The following APP variants were observed in gnomAD, a reference collection of about 807,000 sequenced individuals.
APP encodes the protein amyloid-beta precursor protein.
A neutral mutation model predicts 101.4 loss-of-function variants in APP; 31 were observed. The observed-to-expected ratio is 0.31, with a 90% CI of 0.23 to 0.41. The LOEUF (loss-of-function observed/expected upper bound fraction) is 0.41, where lower values mean the gene tolerates loss of function less well. Ranked by LOEUF, APP falls within the 10% of genes least tolerant of loss-of-function variation. The probability of loss-of-function intolerance (pLI) is 1.00; values close to 1 mark genes in which losing one functional copy is unlikely to be tolerated. For synonymous variants in APP, 366 were observed against 364.4 expected, an observed-to-expected ratio of 1.00 and a Z score of -0.05; for missense variants, 839 against 1,003.7, an observed-to-expected ratio of 0.84 and a Z score of 2.22.
intron 1 of APP, among the ~76,000 whole-genome samples, chr21:26,131,458 T>G (rs776787608): frequency 6.6e-6 from 1 of 152,332 alleles, no homozygotes; most frequent in South Asian, 2.1e-4. Context: ...GTCACTCATA[T>G]ATTTGTTGGC....
chr21:25,932,681 GCA>G (rs1337059618), intron 13 of APP, among the ~76,000 whole-genome samples: 2 of 151,528 alleles, frequency 1.3e-5, no homozygotes, highest in Non-Finnish European at 2.9e-5. Flanking sequence ...TTTCATCTCA[GCA>G]CAGTTAGCCT....
At chr21:25,984,872 T>C (rs374355737) in intron 8 of APP, among the ~76,000 whole-genome samples, 1 of 152,246 alleles carries the variant, frequency 6.6e-6, no homozygotes, top group Admixed American at 6.5e-5. Flanking sequence ...TATAAATATT[T>C]GGGGTTATAC....
intron 7 of APP, 72 bp downstream of exon 7, chr21:25,999,943 A>G (rs1036089886): frequency 1.3e-6 from 2 of 1,534,104 alleles, no homozygotes; most frequent in Non-Finnish European, 1.8e-6. Context: ...AGGAAAATCA[A>G]TCTGTTACAA....
chr21:26,030,601 T>C (rs1601263313), intron 5 of APP, among the ~76,000 whole-genome samples: 1 of 152,336 alleles, frequency 6.6e-6, no homozygotes, highest in East Asian at 1.9e-4. Flanking sequence ...TTAAAGGCTA[T>C]CTTGGAGGCA....
At chr21:26,095,478 T>G (rs994918158) in intron 2 of APP, among the ~76,000 whole-genome samples, 1 of 152,222 alleles carries the variant, frequency 6.6e-6, no homozygotes, top group African/African-American at 2.4e-5. Flanking sequence ...AGAGTAGTGA[T>G]GGTGGCGTAG....
intron 17 of APP, among the ~76,000 whole-genome samples, chr21:25,890,722 C>CAAAA (rs10686276): frequency 0.56 from 63,409 of 113,812 alleles, 18,111 homozygotes; most frequent in Non-Finnish European, 0.62. Flanking sequence ...GAGACTGTCT[C>CAAAA]AAAAAAAAAA....
At position 26,109,687 on chromosome 21, in the gene APP, C is replaced by T. The variant is rs557560310; in HGVS notation, c.225+2292G>A. Among the ~76,000 whole-genome samples, 9 of 144,390 alleles carry T rather than the reference C, an allele frequency of 6.2e-5. 1 individual carries two copies. The highest frequency in any genetic ancestry group is 2.2e-4 in the African/African-American group (8 of 36,938). 94.7% of individuals were successfully genotyped at this position (144,390 alleles called of 152,430 possible). On this transcript the variant is annotated intron_variant, in intron 2 of 17. Transcript: ENST00000346798. The stretch of plus-strand genomic sequence containing the variant: ...GCATTAGTAGGATCTCTAAGTGAAA[C>T]GGGAAAAGAGGGGTGTTCCTGGGGT...
intron 3 of APP, among the ~76,000 whole-genome samples, chr21:26,056,364 G>C (rs927332267): frequency 6.6e-6 from 1 of 152,114 alleles, no homozygotes; most frequent in Non-Finnish European, 1.5e-5. Flanking sequence ...ATGAGGAGTT[G>C]GTAAACAAGC....
At chr21:25,974,671 G>C (rs1350050950) in intron 11 of APP, among the ~76,000 whole-genome samples, 1 of 152,194 alleles carries the variant, frequency 6.6e-6, no homozygotes, top group African/African-American at 2.4e-5. Context: ...AACTTCTGTT[G>C]CTGATAAGGT....
intron 3 of APP, 162 bp downstream of exon 3, chr21:26,089,781 A>T: frequency 1.0e-6 from 1 of 961,624 alleles, no homozygotes; most frequent in Non-Finnish European, 1.6e-6. Context: ...CTATAGGGTC[A>T]GTGCACAGAA....
chr21:25,965,327 T>C (rs1177387679), intron 11 of APP, among the ~76,000 whole-genome samples: 1 of 152,312 alleles, frequency 6.6e-6, no homozygotes, highest in African/African-American at 2.4e-5. Flanking sequence ...ATCCGAAAAA[T>C]GCCAACTGTG....
intron 15 of APP, among the ~76,000 whole-genome samples, chr21:25,903,359 A>C (rs1601346953): frequency 7.2e-6 from 1 of 139,376 alleles, no homozygotes. Flanking sequence ...ACACAGCGAG[A>C]CTCCATCTCA....
intron 1 of APP, among the ~76,000 whole-genome samples, chr21:26,117,740 ATG>A (rs1286176293): frequency 6.6e-6 from 1 of 152,150 alleles, no homozygotes; most frequent in African/African-American, 2.4e-5. Flanking sequence ...GAAAAATAAA[ATG>A]TGATGACTGA....
chr21:26,014,168 A>C (rs553109793), intron 6 of APP, among the ~76,000 whole-genome samples: 2 of 152,316 alleles, frequency 1.3e-5, no homozygotes, highest in African/African-American at 4.8e-5. Flanking sequence ...GCATGCTACT[A>C]CTGAGGCCTC....
chr21:25,898,194 AATT>A (rs1249136548), intron 15 of APP, among the ~76,000 whole-genome samples: 11 of 152,340 alleles, frequency 7.2e-5, no homozygotes. Context: ...GCGTTGTAAA[AATT>A]ATATAATTTT....
chr21:26,008,845 A>T (rs2043653809), intron 6 of APP, among the ~76,000 whole-genome samples: 1 of 152,194 alleles, frequency 6.6e-6, no homozygotes, highest in African/African-American at 2.4e-5. Context: ...TACCAAGAAC[A>T]ATAACACCAA....
At chr21:26,105,858 A>AT (rs1169965079) in intron 2 of APP, among the ~76,000 whole-genome samples, 7 of 152,158 alleles carry the variant, frequency 4.6e-5, no homozygotes, top group African/African-American at 1.7e-4. Flanking sequence ...TTTCTAATCC[A>AT]TACCCACTGT....
intron 1 of APP, among the ~76,000 whole-genome samples, chr21:26,150,606 C>CAGAT (rs775175694): frequency 2.7e-3 from 399 of 148,670 alleles, no homozygotes; most frequent in Middle Eastern, 6.8e-3. Context: ...TCTAGATAGA[C>CAGAT]AGATAGATAG....
At chr21:25,897,384 G>A (rs1343753056) in intron 16 of APP, among the ~76,000 whole-genome samples, 189 bp downstream of exon 16, 3 of 152,180 alleles carry the variant, frequency 2.0e-5, no homozygotes, top group Admixed American at 2.0e-4. Context: ...AAAGTGCTGG[G>A]ATTACAGGCT....
Sources: allele counts gnomAD v4.1 joint callset (sites outside exome capture counted in the v4.1 genomes callset), GRCh38; gene constraint gnomAD v4.1.1; transcripts MANE v1.5; gene names NCBI Gene and HGNC (gene_info 2026-07-23, HGNC 2026-07-21).